The following HS3ST4 variants were observed in gnomAD, a reference collection of about 807,000 sequenced individuals.
The protein encoded by HS3ST4 is heparan sulfate glucosamine 3-O-sulfotransferase 4.
Under a neutral mutation model 29.2 loss-of-function variants are expected in HS3ST4, and 17 were observed. The observed-to-expected ratio is 0.58, with a 90% CI of 0.40 to 0.87. HS3ST4 has a LOEUF of 0.87. HS3ST4 is among the 40% of genes least tolerant of loss of function. The probability of loss-of-function intolerance (pLI) is 0.00; values close to 1 mark genes in which losing one functional copy is unlikely to be tolerated. For missense variants in HS3ST4, 627 were observed against 634.5 expected (o/e 0.99, Z 0.13); for synonymous variants, 314 against 285.7 (o/e 1.10, Z -1.00).
chr16:25,802,396 G>A (rs1966948051), intron 1 of HS3ST4, among the ~76,000 whole-genome samples: 1 of 151,746 alleles, frequency 6.6e-6, no homozygotes, highest in East Asian at 1.9e-4. Flanking sequence ...TATATATTGG[G>A]GTCTGTTTTC....
intron 1 of HS3ST4, chr16:25,826,452 A>G (rs1276749678): frequency 1.3e-5 from 2 of 152,210 alleles, no homozygotes; most frequent in African/African-American, 2.4e-5. Context: ...CATGGCTCAT[A>G]GAGGCCTGGA....
chr16:25,730,018 C>A (rs926591496), intron 1 of HS3ST4, among the ~76,000 whole-genome samples: 1 of 152,204 alleles, frequency 6.6e-6, no homozygotes. Flanking sequence ...GTTTAAATCT[C>A]TTCCAGGTCA....
At chr16:25,733,565 A>C (rs1966586706) in intron 1 of HS3ST4, among the ~76,000 whole-genome samples, 1 of 152,194 alleles carries the variant, frequency 6.6e-6, no homozygotes, top group Admixed American at 6.5e-5. Context: ...AGGATTAAAA[A>C]TCATGGTGCA....
At chr16:25,798,308 C>T (rs751173158) in intron 1 of HS3ST4, among the ~76,000 whole-genome samples, 1 of 152,138 alleles carries the variant, frequency 6.6e-6, no homozygotes, top group Non-Finnish European at 1.5e-5. Context: ...ACAAATCAGC[C>T]CCAAATCTCT....
intron 1 of HS3ST4, among the ~76,000 whole-genome samples, chr16:25,990,388 G>A (rs1969104285): frequency 6.6e-6 from 1 of 152,230 alleles, no homozygotes. Flanking sequence ...GTGAATGAGA[G>A]TGGTTGTTGC....
intron 1 of HS3ST4, among the ~76,000 whole-genome samples, chr16:25,800,096 T>G (rs372679415): frequency 1.1e-4 from 16 of 150,618 alleles, no homozygotes; most frequent in African/African-American, 3.9e-4. Context: ...CTTCCTGCCT[T>G]CCTTCCTTCC....
chr16:25,987,782 T>A (rs1969078200), intron 1 of HS3ST4, among the ~76,000 whole-genome samples: 1 of 152,150 alleles, frequency 6.6e-6, no homozygotes, highest in African/African-American at 2.4e-5. Flanking sequence ...ATTGATTTTT[T>A]TTTTTGAGGC....
intron 1 of HS3ST4, among the ~76,000 whole-genome samples, chr16:26,107,293 A>G (rs1033277471): frequency 2.6e-5 from 4 of 152,008 alleles, no homozygotes; most frequent in African/African-American, 7.3e-5. Context: ...GTATGTTTAT[A>G]TATGTGTGTG....
At chr16:25,853,194 A>G (rs1415177337) in intron 1 of HS3ST4, among the ~76,000 whole-genome samples, 1 of 152,216 alleles carries the variant, frequency 6.6e-6, no homozygotes, top group Admixed American at 6.5e-5. Context: ...AGAGTTGTTC[A>G]TGTAAAGAAA....
intron 1 of HS3ST4, among the ~76,000 whole-genome samples, chr16:26,115,119 A>G (rs1286879189): frequency 6.6e-6 from 1 of 152,164 alleles, no homozygotes; most frequent in Non-Finnish European, 1.5e-5. Flanking sequence ...AGAATACTAC[A>G]TAAAGTATGA....
intron 1 of HS3ST4, among the ~76,000 whole-genome samples, chr16:26,122,539 G>A (rs1899290026): frequency 6.6e-6 from 1 of 152,190 alleles, no homozygotes; most frequent in South Asian, 2.1e-4. Flanking sequence ...GAATGACTAA[G>A]CCCTGCCCAG....
intron 1 of HS3ST4, among the ~76,000 whole-genome samples, chr16:25,843,785 A>C (rs975139431): frequency 3.3e-5 from 5 of 152,222 alleles, no homozygotes; most frequent in African/African-American, 4.8e-5. Context: ...GTGACATTGC[A>C]TGCAGGATTC....
At chr16:25,861,414 T>C (rs546202017) in intron 1 of HS3ST4, among the ~76,000 whole-genome samples, 5 of 152,360 alleles carry the variant, frequency 3.3e-5, no homozygotes, top group Admixed American at 6.5e-5. Flanking sequence ...GAGCCAATCC[T>C]GTTATTTACA....
chr16:25,779,373 A>C (rs894055717), intron 1 of HS3ST4, among the ~76,000 whole-genome samples: 20 of 152,374 alleles, frequency 1.3e-4, no homozygotes, highest in Non-Finnish European at 2.5e-4. Context: ...GGCTTGGCCA[A>C]GTCACACAGG....
At chr16:25,955,176 C>T (rs759746257) in intron 1 of HS3ST4, among the ~76,000 whole-genome samples, 5 of 152,118 alleles carry the variant, frequency 3.3e-5, no homozygotes, top group Non-Finnish European at 5.9e-5. Context: ...AACCTGTGAC[C>T]AGAAAACCTT....
At chr16:25,917,948 A>T (rs965881757) in intron 1 of HS3ST4, among the ~76,000 whole-genome samples, 1 of 152,160 alleles carries the variant, frequency 6.6e-6, no homozygotes, top group African/African-American at 2.4e-5. Context: ...CTATAAATTT[A>T]TTGATTCACC....
At chr16:25,792,768 A>T (rs1181983217) in intron 1 of HS3ST4, among the ~76,000 whole-genome samples, 1 of 151,682 alleles carries the variant, frequency 6.6e-6, no homozygotes, top group Non-Finnish European at 1.5e-5. Flanking sequence ...CAAAGAGCCA[A>T]CTTTTACTTC....
chr16:25,857,967 TC>T (rs1422912430), intron 1 of HS3ST4, among the ~76,000 whole-genome samples: 14 of 55,780 alleles, frequency 2.5e-4, no homozygotes, highest in African/African-American at 1.3e-3. Flanking sequence ...TTTCTTTCTT[TC>T]TTTCTCTTTT....
intron 1 of HS3ST4, among the ~76,000 whole-genome samples, chr16:25,859,676 C>T (rs963961297): frequency 6.6e-6 from 1 of 152,062 alleles, no homozygotes; most frequent in Non-Finnish European, 1.5e-5. Context: ...AAAGCAAAAA[C>T]AAACAAGCAC....
Sources: allele counts gnomAD v4.1 joint callset (sites outside exome capture counted in the v4.1 genomes callset), GRCh38; gene constraint gnomAD v4.1.1; transcripts MANE v1.5; gene names NCBI Gene and HGNC (gene_info 2026-07-23, HGNC 2026-07-21).